GPR158: variants seen among roughly 807,000 people sequenced by gnomAD.
GPR158 encodes metabotropic glycine receptor.
GPR158 carries 30 observed loss-of-function variants against 78.2 expected under a neutral mutation model. The ratio of observed to expected loss-of-function variants is 0.38; its 90% CI spans 0.29 to 0.52. The LOEUF (loss-of-function observed/expected upper bound fraction) is 0.52. Among genes scored for constraint, GPR158 ranks in the 20% least tolerant of loss-of-function variants. The pLI is 0.83. For missense variants in GPR158, 1,463 were observed against 1,523.5 expected (o/e 0.96, Z 0.66); for synonymous variants, 581 against 591.1 (o/e 0.98, Z 0.25).
At chr10:25,247,090 T>C (rs1853702754) in intron 2 of GPR158, among the ~76,000 whole-genome samples, 1 of 152,196 alleles carries the variant, frequency 6.6e-6, no homozygotes, top group Non-Finnish European at 1.5e-5. Flanking sequence ...AATCTGTTTT[T>C]TCCACCATTC....
chr10:25,446,750 G>A (rs1402213284), intron 4 of GPR158, among the ~76,000 whole-genome samples: 1 of 152,164 alleles, frequency 6.6e-6, no homozygotes, highest in African/African-American at 2.4e-5. Context: ...AAAACCAGTT[G>A]TAAGTAACTA....
At chr10:25,494,196 G>A (rs1326130315) in intron 5 of GPR158, among the ~76,000 whole-genome samples, 1 of 152,138 alleles carries the variant, frequency 6.6e-6, no homozygotes, top group Non-Finnish European at 1.5e-5. Context: ...AGGTTGGGGG[G>A]AAAGAATCTT....
chr10:25,220,129 GTA>G (rs1295077362), intron 1 of GPR158, among the ~76,000 whole-genome samples: 2 of 152,066 alleles, frequency 1.3e-5, no homozygotes, highest in Non-Finnish European at 2.9e-5. Flanking sequence ...TTGTAGTGGG[GTA>G]TATATACTTT....
chr10:25,222,128 A>G lies in GPR158; in HGVS notation c.1008+971A>G, dbSNP rs115082583. ...CACAGGTATACATGCATGCATATAC[A>G]TGTATATACGCCCATTGAGTGTTTA... On this transcript the variant is annotated intron_variant, in intron 2 of 10. Coordinates refer to ENST00000376351, the MANE Select transcript of GPR158 (RefSeq NM_020752.3). 1.7e-3 allele frequency among the ~76,000 whole-genome samples: 257 copies of G among 152,248 alleles called. 1 individual carries two copies. The highest frequency in any genetic ancestry group is 6.1e-3 in the African/African-American group (253 of 41,532).
At chr10:25,454,083 G>A (rs1204208788) in intron 4 of GPR158, among the ~76,000 whole-genome samples, 1 of 151,886 alleles carries the variant, frequency 6.6e-6, no homozygotes, top group Non-Finnish European at 1.5e-5. Flanking sequence ...ACATTAATTT[G>A]TGTTTTAATT....
Position 25,285,707 on chromosome 10 carries a change from A to G in GPR158, c.1008+64550A>G, listed in dbSNP as rs190802578. Among the ~76,000 whole-genome samples, 6 of 152,204 alleles carry G rather than the reference A, an allele frequency of 3.9e-5. No individual in the cohort carries two copies. In the East Asian group the frequency reaches 1.2e-3, roughly 29 times the overall value. On this transcript the variant is annotated intron_variant, in intron 2 of 10. Coordinates refer to ENST00000376351, the MANE Select transcript of GPR158 (RefSeq NM_020752.3). ...CTAACCCCATTGGACTCACATGCCA[A>G]TCTTCTTTGAATAAAACCTTCACAG...
intron 9 of GPR158, 131 bp downstream of exon 9, chr10:25,594,528 G>T: frequency 2.1e-6 from 1 of 472,518 alleles, no homozygotes; most frequent in Non-Finnish European, 3.7e-6. Flanking sequence ...TCCCTCCTCA[G>T]GAAACTGGCT....
At chr10:25,301,324 T>C (rs117797446) in intron 2 of GPR158, among the ~76,000 whole-genome samples, 177 of 152,244 alleles carry the variant, frequency 1.2e-3, no homozygotes, top group Non-Finnish European at 1.4e-3. Context: ...GCATTAATAG[T>C]CCCAAAGGAT....
At chr10:25,236,264 GGGA>G (rs1339642065) in intron 2 of GPR158, among the ~76,000 whole-genome samples, 1 of 152,148 alleles carries the variant, frequency 6.6e-6, no homozygotes, top group East Asian at 1.9e-4. Flanking sequence ...CCAGCACTTT[GGGA>G]GGCCAAGATG....
intron 2 of GPR158, among the ~76,000 whole-genome samples, chr10:25,265,039 G>T (rs902963791): frequency 1.3e-5 from 2 of 152,092 alleles, no homozygotes; most frequent in African/African-American, 4.8e-5. Context: ...TGGAGATTTT[G>T]ATTTTTCTTT....
At position 25,176,011 on chromosome 10, in the gene GPR158, G is replaced by A. The variant is rs749075567; in HGVS notation, c.591G>A (p.Glu197=). Reference sequence around the variant, plus strand: ...AGGTCTTCCTCCAGGCCACGCGCGAGGAGAGCCGCATCCTGCTCCAAGACC... The same window carrying A: ...AGGTCTTCCTCCAGGCCACGCGCGAAGAGAGCCGCATCCTGCTCCAAGACC... ...APQVFLQATR[E]ESRILLQDLS... Residue 197 remains glutamate, a synonymous_variant, in exon 1 of 11, where the codon GAG becomes GAA. Transcript: ENST00000376351. This position sits in a 1 kb window ranked among gnomAD's most constrained non-coding sequence, Gnocchi z 6.3. 6 of 1,612,592 alleles carry A rather than the reference G, an allele frequency of 3.7e-6. No individual in the cohort carries two copies. In the South Asian group the frequency reaches 6.6e-5, roughly 18 times the overall value.
chr10:25,329,104 T>TA (rs1474868097), intron 2 of GPR158, among the ~76,000 whole-genome samples: 1 of 152,086 alleles, frequency 6.6e-6, no homozygotes, highest in Non-Finnish European at 1.5e-5. Context: ...GAAATGCTTA[T>TA]AAATTTGTTT....
chr10:25,216,712 A>T (rs917937106), intron 1 of GPR158, among the ~76,000 whole-genome samples: 1 of 152,214 alleles, frequency 6.6e-6, no homozygotes, highest in African/African-American at 2.4e-5. Flanking sequence ...ACTCTCTTCC[A>T]TATCAGACTT....
chr10:25,422,857 C>A (rs1251970129), intron 4 of GPR158, among the ~76,000 whole-genome samples: 2 of 148,144 alleles, frequency 1.4e-5, no homozygotes, highest in African/African-American at 5.0e-5. Flanking sequence ...CTTACCCCCC[C>A]CACACTTTCC....
At chr10:25,233,011 G>T (rs546215123) in intron 2 of GPR158, among the ~76,000 whole-genome samples, 245 of 152,298 alleles carry the variant, frequency 1.6e-3, no homozygotes, top group Non-Finnish European at 2.9e-3. Context: ...AAAACAAACT[G>T]CAAATGGAGA....
intron 2 of GPR158, among the ~76,000 whole-genome samples, chr10:25,257,966 T>C (rs1048508637): frequency 6.6e-6 from 1 of 152,212 alleles, no homozygotes; most frequent in African/African-American, 2.4e-5. Context: ...CTCTTCGAGA[T>C]GGGAATGCTT....
At chr10:25,353,596 G>A (rs1760712) in intron 2 of GPR158, among the ~76,000 whole-genome samples, 69,058 of 151,846 alleles carry the variant, frequency 0.45, 17,061 homozygotes, top group South Asian at 0.57. Flanking sequence ...TGGGATTAGA[G>A]GAGGATCTTC....
intron 2 of GPR158, among the ~76,000 whole-genome samples, chr10:25,260,072 A>C (rs1588763537): frequency 6.6e-6 from 1 of 152,280 alleles, no homozygotes; most frequent in South Asian, 2.1e-4. Flanking sequence ...ACAATGTTGA[A>C]TACAAGTAAT....
intron 2 of GPR158, among the ~76,000 whole-genome samples, chr10:25,233,097 A>G (rs1283573386): frequency 6.6e-6 from 1 of 152,254 alleles, no homozygotes; most frequent in Non-Finnish European, 1.5e-5. Flanking sequence ...GAGCCCATTT[A>G]GTGGGATAAA....
Sources: allele counts gnomAD v4.1 joint callset (sites outside exome capture counted in the v4.1 genomes callset), GRCh38; gene constraint gnomAD v4.1.1; non-coding constraint Gnocchi (gnomAD v3.1); transcripts MANE v1.5; gene names NCBI Gene and HGNC (gene_info 2026-07-23, HGNC 2026-07-21).